The following WDR64 variants were observed in gnomAD, a reference collection of about 807,000 sequenced individuals.
WDR64 encodes WD repeat-containing protein 64.
Under a neutral mutation model 139.3 loss-of-function variants are expected in WDR64, and 112 were observed. That is an observed-to-expected ratio of 0.80 (90% confidence interval 0.69 to 0.94). The LOEUF (loss-of-function observed/expected upper bound fraction) is 0.94, where lower values mean the gene tolerates loss of function less well. Among genes scored for constraint, WDR64 ranks in the 40% least tolerant of loss-of-function variants. The probability of loss-of-function intolerance (pLI) is 0.00; values close to 1 mark genes in which losing one functional copy is unlikely to be tolerated. For missense variants in WDR64, 1,206 were observed against 1,293.1 expected, an observed-to-expected ratio of 0.93 and a Z score of 1.03; for synonymous variants, 444 against 437.7, an observed-to-expected ratio of 1.01 and a Z score of -0.18.
chr1:241,711,497 C>T (rs569415562), intron 8 of WDR64, among the ~76,000 whole-genome samples: 21 of 152,132 alleles, frequency 1.4e-4, no homozygotes, highest in East Asian at 3.9e-4. Flanking sequence ...ATACCCTTTC[C>T]GGATTAAGAC....
intron 3 of WDR64, among the ~76,000 whole-genome samples, chr1:241,672,233 CTCTT>C (rs1666261399): frequency 6.6e-6 from 1 of 152,096 alleles, no homozygotes; most frequent in African/African-American, 2.4e-5. Flanking sequence ...TCATCCTTGA[CTCTT>C]TCTTAGTCCA....
At chr1:241,657,081 C>T (rs1199825349) in intron 1 of WDR64, among the ~76,000 whole-genome samples, 1 of 152,020 alleles carries the variant, frequency 6.6e-6, no homozygotes, top group African/African-American at 2.4e-5. Context: ...ACTACTATCT[C>T]TAGGGTGCCT....
intron 2 of WDR64, among the ~76,000 whole-genome samples, 179 bp from the exon 3 acceptor site, chr1:241,670,895 G>A (rs1035406653): frequency 1.3e-5 from 2 of 152,246 alleles, no homozygotes; most frequent in Admixed American, 6.5e-5. Context: ...CTGGTGTCAA[G>A]AAGGTTGGGG....
Position 241,711,793 on chromosome 1 carries a change from G to A in WDR64, c.975-9G>A. 2 of 1,613,896 alleles carry A rather than the reference G, an allele frequency of 1.2e-6. No individual in the cohort carries two copies. The highest frequency in any genetic ancestry group is 1.6e-4 in the Middle Eastern group (1 of 6,062). On this transcript the variant is annotated splice_polypyrimidine_tract_variant and intron_variant, in intron 8 of 27. Transcript: ENST00000437684. The stretch of plus-strand genomic sequence containing the variant: ...TATATATGTTTTCCATCTAATTTGT[G>A]TTTTCCAGGCCTGTCAGAGAGTTTT...
intron 3 of WDR64, among the ~76,000 whole-genome samples, chr1:241,671,770 A>C (rs1028390822): frequency 1.5e-4 from 23 of 152,020 alleles, no homozygotes; most frequent in African/African-American, 5.6e-4. Context: ...TCTTCCCTCC[A>C]TGGTGGGAGG....
chr1:241,753,780 A>G (rs1310442272), intron 14 of WDR64, among the ~76,000 whole-genome samples: 4 of 152,192 alleles, frequency 2.6e-5, no homozygotes, highest in Non-Finnish European at 5.9e-5. Context: ...CAAAAGTATA[A>G]GGTACCTAAA....
intron 14 of WDR64, among the ~76,000 whole-genome samples, chr1:241,753,814 A>G (rs1670068839): frequency 6.6e-6 from 1 of 152,242 alleles, no homozygotes; most frequent in South Asian, 2.1e-4. Context: ...GAACCATGCA[A>G]AAGTTTTGTG....
intron 8 of WDR64, among the ~76,000 whole-genome samples, chr1:241,705,559 A>AAATAAAAAT (rs376010669): frequency 4.4e-5 from 6 of 136,668 alleles, no homozygotes; most frequent in Non-Finnish European, 9.3e-5. Flanking sequence ...ATAAATAAAT[A>AAATAAAAAT]AATAATAATA....
intron 23 of WDR64, among the ~76,000 whole-genome samples, chr1:241,784,530 T>C (rs1658961972): frequency 6.6e-6 from 1 of 152,206 alleles, no homozygotes; most frequent in African/African-American, 2.4e-5. Flanking sequence ...CTCATTAAGA[T>C]ACAGGGCTCT....
chr1:241,793,006 C>T (rs1322473068), intron 25 of WDR64, among the ~76,000 whole-genome samples: 1 of 152,058 alleles, frequency 6.6e-6, no homozygotes, highest in Non-Finnish European at 1.5e-5. Flanking sequence ...ATGGGCAAAT[C>T]AATTATGACA....
rs1055061276 is a variant in WDR64 at position 241,703,459 on chromosome 1, A to G, written c.975-8343A>G. On this transcript the variant is annotated intron_variant, in intron 8 of 27. Coordinates refer to ENST00000437684, the MANE Select transcript of WDR64 (RefSeq NM_001367482.1). The surrounding 1 kb of genome is among the most constrained non-coding windows in gnomAD (Gnocchi z 5.9). ...CTTTTGATAGGGGACTCTATCAAAA[A>G]GTTTTTTTTTTTTTTCTGTTTTGAA... Among the ~76,000 whole-genome samples the G allele has an allele frequency of 2.2e-5, 3 of 137,204 alleles. No homozygotes were observed. The highest frequency in any genetic ancestry group is 8.1e-5 in the African/African-American group (3 of 37,108). 90.0% of individuals were successfully genotyped at this position (137,204 alleles called of 152,430 possible). A position where few individuals can be genotyped will look rare whatever the true frequency, so the allele number is the denominator to read the frequency against.
chr1:241,714,175 A>C (rs756741954), intron 9 of WDR64, among the ~76,000 whole-genome samples: 1 of 152,194 alleles, frequency 6.6e-6, no homozygotes, highest in Non-Finnish European at 1.5e-5. Flanking sequence ...CTTGTAAAAG[A>C]CAGAAGGCAT....
intron 9 of WDR64, among the ~76,000 whole-genome samples, chr1:241,716,199 C>G (rs1364623312): frequency 6.8e-6 from 1 of 147,734 alleles, no homozygotes; most frequent in Non-Finnish European, 1.5e-5. Context: ...TCAAAATATA[C>G]AATAAAAGCA....
At chr1:241,699,346 G>T (rs886352504) in intron 8 of WDR64, among the ~76,000 whole-genome samples, 22 of 152,234 alleles carry the variant, frequency 1.4e-4, no homozygotes, top group Admixed American at 1.2e-3. Context: ...AAACTCTACA[G>T]CAGCCATCTG....
chr1:241,707,314 C>G (rs1250817241), intron 8 of WDR64, among the ~76,000 whole-genome samples: 1 of 152,190 alleles, frequency 6.6e-6, no homozygotes, highest in African/African-American at 2.4e-5. Flanking sequence ...GGCTTTGCTG[C>G]CCCTGGCAAC....
intron 10 of WDR64, among the ~76,000 whole-genome samples, chr1:241,727,989 C>T (rs538647610): frequency 6.6e-6 from 1 of 151,894 alleles, no homozygotes; most frequent in East Asian, 2.0e-4. Flanking sequence ...ATCAGGGGAA[C>T]CAGCCCCGTG....
At chr1:241,731,104 G>T (rs1019597874) in intron 10 of WDR64, among the ~76,000 whole-genome samples, 2 of 152,078 alleles carry the variant, frequency 1.3e-5, no homozygotes, top group South Asian at 4.1e-4. Context: ...GTGCAAAGAG[G>T]TTCACTACTG....
chr1:241,744,055 C>A (rs1669653673), intron 12 of WDR64, among the ~76,000 whole-genome samples: 1 of 152,176 alleles, frequency 6.6e-6, no homozygotes, highest in Admixed American at 6.5e-5. Context: ...AAATCCAGTT[C>A]ATATTTCTTT....
At chr1:241,652,999 A>G (rs1665423298) in intron 1 of WDR64, among the ~76,000 whole-genome samples, 1 of 152,212 alleles carries the variant, frequency 6.6e-6, no homozygotes, top group African/African-American at 2.4e-5. Context: ...TAGCCTAAAG[A>G]TATCATGAGA....
Sources: gnomAD v4.1 joint callset for allele counts (sites outside exome capture counted in the v4.1 genomes callset) on GRCh38, gnomAD v4.1.1 for gene constraint, Gnocchi (gnomAD v3.1) non-coding constraint, MANE v1.5 for transcripts, NCBI Gene and HGNC (gene_info 2026-07-23, HGNC 2026-07-21) for gene names.